The following RALYL variants were observed in gnomAD, a reference collection of about 807,000 sequenced individuals.
The protein encoded by RALYL is RNA-binding Raly-like protein.
Under a neutral mutation model 35.1 loss-of-function variants are expected in RALYL, and 29 were observed. The ratio of observed to expected loss-of-function variants is 0.83; its 90% CI spans 0.61 to 1.13. RALYL has a LOEUF of 1.13. Among genes scored for constraint, RALYL ranks in the 50% most tolerant of loss-of-function variants. RALYL has a pLI of 0.00. For missense variants in RALYL, 359 were observed against 360.4 expected, an observed-to-expected ratio of 1.00 and a Z score of 0.03; for synonymous variants, 120 against 127.6, an observed-to-expected ratio of 0.94 and a Z score of 0.40.
chr8:84,584,344 C>T (rs1318138393), intron 2 of RALYL, among the ~76,000 whole-genome samples: 2 of 152,128 alleles, frequency 1.3e-5, no homozygotes, highest in African/African-American at 2.4e-5. Flanking sequence ...GTGGCTCACA[C>T]CTGTAATCCC....
intron 3 of RALYL, among the ~76,000 whole-genome samples, chr8:84,803,850 G>GAT (rs1377492527): frequency 6.6e-6 from 1 of 152,168 alleles, no homozygotes; most frequent in Admixed American, 6.5e-5. Context: ...CTAATTCTAA[G>GAT]ATAGTCATTT....
intron 2 of RALYL, among the ~76,000 whole-genome samples, chr8:84,634,470 A>G (rs1335611374): frequency 6.6e-6 from 1 of 151,846 alleles, no homozygotes; most frequent in African/African-American, 2.4e-5. Context: ...GAAGCTATTT[A>G]TGAAATATTC....
chr8:84,214,773 A>T (rs1372753157), intron 1 of RALYL, among the ~76,000 whole-genome samples: 3 of 152,180 alleles, frequency 2.0e-5, no homozygotes, highest in Non-Finnish European at 2.9e-5. Context: ...AGGAATTAGC[A>T]TTTAAGACCA....
intron 2 of RALYL, among the ~76,000 whole-genome samples, chr8:84,677,260 C>A (rs1834406802): frequency 6.6e-6 from 1 of 152,106 alleles, no homozygotes; most frequent in Non-Finnish European, 1.5e-5. Context: ...CTTGATTAGC[C>A]TTTTATTAAA....
At chr8:84,881,827 T>G (rs1168599956) in intron 7 of RALYL, among the ~76,000 whole-genome samples, 1 of 151,934 alleles carries the variant, frequency 6.6e-6, no homozygotes, top group Non-Finnish European at 1.5e-5. Flanking sequence ...TTAAAATTGG[T>G]TATTGAAGAG....
intron 2 of RALYL, among the ~76,000 whole-genome samples, chr8:84,718,643 T>C (rs11988827): frequency 0.015 from 2,291 of 151,914 alleles, 29 homozygotes; most frequent in Middle Eastern, 0.051. Context: ...TGCATGCCTG[T>C]AATCCCAGCT....
chr8:84,639,584 G>A (rs1002999929), intron 2 of RALYL, among the ~76,000 whole-genome samples: 5 of 151,804 alleles, frequency 3.3e-5, no homozygotes, highest in Non-Finnish European at 4.4e-5. Flanking sequence ...GTCTGCTGGG[G>A]GACTTAGAAT....
At chr8:84,663,913 T>C (rs1831406163) in intron 2 of RALYL, among the ~76,000 whole-genome samples, 1 of 152,202 alleles carries the variant, frequency 6.6e-6, no homozygotes, top group Admixed American at 6.6e-5. Context: ...TGAATGCTAC[T>C]GCATAGGTTT....
chr8:84,263,687 G>C, intron 1 of RALYL, among the ~76,000 whole-genome samples: 1 of 151,996 alleles, frequency 6.6e-6, no homozygotes, highest in South Asian at 2.1e-4. Context: ...ATGGTTTGCT[G>C]CACCTATGAA....
At chr8:84,464,537 T>A (rs1473560827) in intron 1 of RALYL, among the ~76,000 whole-genome samples, 2 of 150,364 alleles carry the variant, frequency 1.3e-5, no homozygotes, top group Non-Finnish European at 3.0e-5. Context: ...ATCCAGTCTA[T>A]CATTGTTGGA....
chr8:84,916,246 T>C (rs1009661860), intron 8 of RALYL, among the ~76,000 whole-genome samples: 1 of 152,216 alleles, frequency 6.6e-6, no homozygotes, highest in South Asian at 2.1e-4. Context: ...GTTTATAAGA[T>C]TGATTTATCT....
At chr8:84,532,837 A>G (rs1269785740) in intron 2 of RALYL, among the ~76,000 whole-genome samples, 2 of 152,090 alleles carry the variant, frequency 1.3e-5, no homozygotes, top group South Asian at 4.1e-4. Context: ...AGTTTTATGA[A>G]GACTATAGAT....
At chr8:84,459,990 A>G (rs1398995543) in intron 1 of RALYL, among the ~76,000 whole-genome samples, 1 of 151,792 alleles carries the variant, frequency 6.6e-6, no homozygotes, top group African/African-American at 2.4e-5. Context: ...TTTACTTTAT[A>G]TAAAAAACAG....
chr8:84,619,571 T>C (rs1351733027), intron 2 of RALYL, among the ~76,000 whole-genome samples: 4 of 147,608 alleles, frequency 2.7e-5, no homozygotes, highest in Non-Finnish European at 4.5e-5. Context: ...TGTCTTTTAA[T>C]TGGAGCATTT....
intron 1 of RALYL, among the ~76,000 whole-genome samples, chr8:84,302,574 G>A (rs1252211806): frequency 6.6e-6 from 1 of 152,196 alleles, no homozygotes; most frequent in Non-Finnish European, 1.5e-5. Context: ...TAGTGCCGAA[G>A]AGCAAGGTCG....
intron 6 of RALYL, among the ~76,000 whole-genome samples, chr8:84,869,249 T>A (rs971560381): frequency 1.3e-5 from 2 of 152,240 alleles, no homozygotes; most frequent in African/African-American, 2.4e-5. Flanking sequence ...GCATATCACA[T>A]GACTTTGGGA....
chr8:84,573,416 C>G (rs1453400067), intron 2 of RALYL, among the ~76,000 whole-genome samples: 1 of 151,716 alleles, frequency 6.6e-6, no homozygotes, highest in Non-Finnish European at 1.5e-5. Flanking sequence ...GATGAGAAAA[C>G]TGTGGTAATC....
At chr8:84,615,661 T>C (rs1234440708) in intron 2 of RALYL, among the ~76,000 whole-genome samples, 2 of 140,112 alleles carry the variant, frequency 1.4e-5, no homozygotes, top group African/African-American at 5.5e-5. Context: ...TAGTTACATA[T>C]GTATACATGT....
chr8:84,550,959 A>G (rs2060678698), intron 2 of RALYL, among the ~76,000 whole-genome samples: 1 of 152,004 alleles, frequency 6.6e-6, no homozygotes, highest in Non-Finnish European at 1.5e-5. Context: ...ATAAATATAA[A>G]CTTACATTAA....
Sources: allele counts gnomAD v4.1 joint callset (sites outside exome capture counted in the v4.1 genomes callset), GRCh38; gene constraint gnomAD v4.1.1; transcripts MANE v1.5; gene names NCBI Gene and HGNC (gene_info 2026-07-23, HGNC 2026-07-21).